HMGA2: variants seen among roughly 807,000 people sequenced by gnomAD.
The protein encoded by HMGA2 is high mobility group protein HMGI-C.
A neutral mutation model predicts 19.1 loss-of-function variants in HMGA2; 8 were observed. That is an observed-to-expected ratio of 0.42 (90% CI 0.25 to 0.76). HMGA2 has a LOEUF of 0.76. Ranked by LOEUF, HMGA2 falls within the 30% of genes least tolerant of loss-of-function variation. HMGA2 has a pLI of 0.28. For synonymous variants in HMGA2, 60 were observed against 48.8 expected (o/e 1.23, Z -0.96); for missense variants, 109 against 136.3 (o/e 0.80, Z 1.00).
intron 3 of HMGA2, chr12:65,915,001 A>G: frequency 1.2e-6 from 2 of 1,608,222 alleles, no homozygotes; most frequent in Non-Finnish European, 1.7e-6. Flanking sequence ...GTGTTCCATC[A>G]CTAGATCTCT....
At chr12:65,836,784 A>G (rs2120865303) in intron 2 of HMGA2, among the ~76,000 whole-genome samples, 1 of 152,348 alleles carries the variant, frequency 6.6e-6, no homozygotes, top group Non-Finnish European at 1.5e-5. Flanking sequence ...ATAATAAACA[A>G]TGATTCAGAG....
chr12:65,839,077 A>G (rs1352246420), intron 3 of HMGA2, among the ~76,000 whole-genome samples: 4 of 135,332 alleles, frequency 3.0e-5, no homozygotes, highest in Non-Finnish European at 6.1e-5. Flanking sequence ...TCTTTTTCAC[A>G]TGGCTTTGTT....
At chr12:65,829,935 C>A (rs1046361161) in intron 2 of HMGA2, among the ~76,000 whole-genome samples, 2 of 151,944 alleles carry the variant, frequency 1.3e-5, no homozygotes, top group African/African-American at 4.8e-5. Flanking sequence ...GACCCCCCTA[C>A]GCCGCTCATC....
chr12:65,928,042 G>A (rs1012958242), intron 3 of HMGA2, among the ~76,000 whole-genome samples: 18 of 150,684 alleles, frequency 1.2e-4, no homozygotes, highest in African/African-American at 4.1e-4. Context: ...TTAACAATAG[G>A]GGTACATTCT....
chr12:65,888,251 T>C (rs1015215375), intron 3 of HMGA2, among the ~76,000 whole-genome samples: 7 of 151,842 alleles, frequency 4.6e-5, no homozygotes, highest in African/African-American at 1.7e-4. Flanking sequence ...AGGTCAGGAG[T>C]TTGAGACCAG....
intron 3 of HMGA2, among the ~76,000 whole-genome samples, chr12:65,849,113 G>C (rs555556695): frequency 2.8e-4 from 42 of 152,194 alleles, no homozygotes; most frequent in Non-Finnish European, 3.4e-4. Flanking sequence ...TCTGATGTCA[G>C]AAAAGATACA....
chr12:65,960,562 C>G (rs1206329945), intron 4 of HMGA2, among the ~76,000 whole-genome samples: 1 of 152,192 alleles, frequency 6.6e-6, no homozygotes, highest in African/African-American at 2.4e-5. Flanking sequence ...CCTTTGGGAA[C>G]CATTCCTTCC....
chr12:65,964,261 G>T lies in HMGA2; in HGVS notation c.*969G>T, dbSNP rs937911233. On this transcript the variant is annotated 3_prime_UTR_variant, in exon 5 of 5. Transcript: ENST00000403681. ...GAGGAGCGAAATCTAAATTTCTTTTGCTATAGTTATACATCAATTTAAAAA... is the reference window on the plus strand; with the variant it reads ...GAGGAGCGAAATCTAAATTTCTTTTTCTATAGTTATACATCAATTTAAAAA... 3 of 201,704 alleles carry T rather than the reference G, an allele frequency of 1.5e-5. No homozygotes were observed. The highest frequency in any genetic ancestry group is 7.4e-5 in the East Asian group (1 of 13,462). The allele number at this position is 201,704 out of a possible 1,614,324, so 12.5% of individuals were successfully genotyped here.
intron 3 of HMGA2, among the ~76,000 whole-genome samples, chr12:65,853,803 C>T (rs1208093371): frequency 6.6e-6 from 1 of 152,192 alleles, no homozygotes; most frequent in Non-Finnish European, 1.5e-5. Flanking sequence ...CTTTTCCCGT[C>T]TCTCTCTGGA....
At chr12:65,894,890 T>C (rs898751176) in intron 3 of HMGA2, among the ~76,000 whole-genome samples, 2 of 152,138 alleles carry the variant, frequency 1.3e-5, no homozygotes, top group Non-Finnish European at 2.9e-5. Flanking sequence ...TTTTATATGA[T>C]TACATGGGCA....
In HMGA2 at chr12:65,965,010, G is replaced by A. The variant is rs1876867014; in HGVS notation, c.*1718G>A. ...AACTTGTTACTTGCAGCATTCATTT[G>A]TTTTTTCAATGTTTGAAATAGTTCA... On this transcript the variant is annotated 3_prime_UTR_variant, in exon 5 of 5. Coordinates refer to ENST00000403681, the MANE Select transcript of HMGA2 (RefSeq NM_003483.6). The A allele has an allele frequency of 5.3e-6, 1 of 188,234 alleles. No homozygotes were observed. Among genetic ancestry groups the A allele is most frequent in the African/African-American group, 2.3e-5 (1 of 42,848 alleles). 11.7% of individuals were successfully genotyped at this position (188,234 alleles called of 1,614,324 possible).
chr12:65,886,363 CT>C (rs766865222), intron 3 of HMGA2, among the ~76,000 whole-genome samples: 290 of 138,074 alleles, frequency 2.1e-3, no homozygotes, highest in Middle Eastern at 3.8e-3. Flanking sequence ...CTTTTTCTCT[CT>C]TTTTTTTTTT....
intron 2 of HMGA2, chr12:65,828,329 A>T: frequency 3.2e-6 from 1 of 308,658 alleles, no homozygotes; most frequent in Non-Finnish European, 6.1e-6. Flanking sequence ...CCACCAAATA[A>T]TTTGAACCTT....
At chr12:65,851,780 A>C (rs1871483510) in intron 3 of HMGA2, 1 of 298,574 alleles carries the variant, frequency 3.3e-6, no homozygotes, top group Non-Finnish European at 7.0e-6. Flanking sequence ...TTTCTAACCC[A>C]CTAATCACGG....
At chr12:65,838,180 A>G (rs952724811) in intron 2 of HMGA2, among the ~76,000 whole-genome samples, 2 of 152,148 alleles carry the variant, frequency 1.3e-5, no homozygotes, top group South Asian at 4.1e-4. Flanking sequence ...TAGTTACAGA[A>G]TGTGGGGATA....
At chr12:65,881,748 G>A in intron 3 of HMGA2, 1 of 703,104 alleles carries the variant, frequency 1.4e-6, no homozygotes, top group Non-Finnish European at 2.6e-6. Context: ...CCCAGTGGTT[G>A]CTAATGAAGA....
chr12:65,952,455 A>G (rs1053946699), intron 4 of HMGA2: 19 of 1,532,714 alleles, frequency 1.2e-5, no homozygotes, highest in East Asian at 2.4e-5. Flanking sequence ...TTCCAAACAC[A>G]TGAAAGGATC....
chr12:65,948,752 G>A (rs1876353863), intron 3 of HMGA2, among the ~76,000 whole-genome samples: 1 of 152,174 alleles, frequency 6.6e-6, no homozygotes, highest in Admixed American at 6.5e-5. Flanking sequence ...ACACGGACTA[G>A]GCCGGGAGCC....
intron 4 of HMGA2, among the ~76,000 whole-genome samples, chr12:65,962,577 C>T (rs780069516): frequency 4.6e-5 from 7 of 152,080 alleles, no homozygotes; most frequent in South Asian, 2.1e-4. Flanking sequence ...TGGGAAGGCT[C>T]GTTGTCAGCT....
Sources: gnomAD v4.1 joint callset for allele counts (sites outside exome capture counted in the v4.1 genomes callset) on GRCh38, gnomAD v4.1.1 for gene constraint, MANE v1.5 for transcripts, NCBI Gene and HGNC (gene_info 2026-07-23, HGNC 2026-07-21) for gene names.